AKAP19: variants seen among roughly 807,000 people sequenced by gnomAD.
AKAP19 encodes A-kinase anchoring protein 19, also known as small A-kinase anchoring protein.
At chr2:189,926,156 G>T in the AKAP19 span, among the ~76,000 whole-genome samples, 1 of 152,054 alleles carries the variant, frequency 6.6e-6, no homozygotes, top group East Asian at 1.9e-4. Context: ...ATTTTTTCTT[G>T]ACTATTTTCC....
the AKAP19 span, among the ~76,000 whole-genome samples, chr2:189,992,424 T>C: frequency 6.6e-6 from 1 of 152,228 alleles, no homozygotes; most frequent in Admixed American, 6.5e-5. Context: ...TTGGTAACTG[T>C]AGCCTTGTAA....
At chr2:189,948,409 G>GT in the AKAP19 span, among the ~76,000 whole-genome samples, 2 of 151,904 alleles carry the variant, frequency 1.3e-5, no homozygotes, top group African/African-American at 4.8e-5. Flanking sequence ...TTAAAAAATA[G>GT]TTTTTTCCTT....
the AKAP19 span, among the ~76,000 whole-genome samples, chr2:190,171,949 A>G: frequency 6.6e-6 from 1 of 152,144 alleles, no homozygotes; most frequent in African/African-American, 2.4e-5. Context: ...TTTACCCTAG[A>G]TCTATTCAAG....
At chr2:189,920,727 A>G in the AKAP19 span, among the ~76,000 whole-genome samples, 1 of 152,210 alleles carries the variant, frequency 6.6e-6, no homozygotes, top group Non-Finnish European at 1.5e-5. Flanking sequence ...CCAGCCCACA[A>G]ATTTCTAGCA....
At chr2:190,116,874 T>C in the AKAP19 span, among the ~76,000 whole-genome samples, 4 of 152,202 alleles carry the variant, frequency 2.6e-5, no homozygotes, top group Non-Finnish European at 5.9e-5. Context: ...CCCATCACCC[T>C]ACTCTACTAA....
At chr2:189,918,535 A>C in the AKAP19 span, among the ~76,000 whole-genome samples, 1 of 152,178 alleles carries the variant, frequency 6.6e-6, no homozygotes, top group African/African-American at 2.4e-5. Context: ...GAATGTGGAG[A>C]AATTGTAACA....
chr2:190,071,156 A>G, the AKAP19 span, among the ~76,000 whole-genome samples: 2 of 152,170 alleles, frequency 1.3e-5, no homozygotes, highest in Admixed American at 6.6e-5. Flanking sequence ...ACAAGGATAT[A>G]AAGAAAGTAG....
the AKAP19 span, among the ~76,000 whole-genome samples, chr2:190,051,997 C>T: frequency 6.6e-6 from 1 of 152,004 alleles, no homozygotes; most frequent in East Asian, 1.9e-4. Context: ...GCCACCACGC[C>T]TGGCTAATTT....
chr2:189,900,799 G>A, the AKAP19 span, among the ~76,000 whole-genome samples: 50 of 152,266 alleles, frequency 3.3e-4, no homozygotes, highest in Non-Finnish European at 5.4e-4. Flanking sequence ...ATGAAAATGC[G>A]TTGCAAGGGC....
chr2:190,015,281 T>C, the AKAP19 span, among the ~76,000 whole-genome samples: 1 of 152,232 alleles, frequency 6.6e-6, no homozygotes, highest in Non-Finnish European at 1.5e-5. Context: ...GAAATCTATA[T>C]GGAGGTTCCC....
the AKAP19 span, among the ~76,000 whole-genome samples, chr2:189,921,254 G>A: frequency 6.6e-6 from 1 of 152,138 alleles, no homozygotes; most frequent in African/African-American, 2.4e-5. Flanking sequence ...AAGCAAAGAA[G>A]GCTGATAAGA....
chr2:190,168,056 C>G, the AKAP19 span, among the ~76,000 whole-genome samples: 2 of 152,322 alleles, frequency 1.3e-5, no homozygotes, highest in South Asian at 2.1e-4. Flanking sequence ...GGGCCCTGCC[C>G]CTGCAGCAAA....
chr2:190,179,367 A>T, the AKAP19 span, among the ~76,000 whole-genome samples: 1 of 152,052 alleles, frequency 6.6e-6, no homozygotes, highest in Non-Finnish European at 1.5e-5. This position sits in a 1 kb window ranked among gnomAD's most constrained non-coding sequence, Gnocchi z 6.0. Context: ...AGATTGCGCC[A>T]TTGCACTCCA....
the AKAP19 span, among the ~76,000 whole-genome samples, chr2:190,131,932 A>C: frequency 6.6e-6 from 1 of 152,136 alleles, no homozygotes; most frequent in Admixed American, 6.6e-5. Context: ...AAAACCTTAA[A>C]GACTCCACCA....
At chr2:190,133,647 T>C in the AKAP19 span, among the ~76,000 whole-genome samples, 1 of 152,228 alleles carries the variant, frequency 6.6e-6, no homozygotes, top group East Asian at 1.9e-4. Flanking sequence ...GATGAATGGA[T>C]GCTATTCAGC....
the AKAP19 span, among the ~76,000 whole-genome samples, chr2:190,174,642 A>G: frequency 7.0e-4 from 107 of 152,320 alleles, 1 homozygote; most frequent in African/African-American, 2.5e-3. Context: ...TCATACTGAA[A>G]GGCACATATG....
At chr2:190,147,918 G>C in the AKAP19 span, among the ~76,000 whole-genome samples, 1 of 152,108 alleles carries the variant, frequency 6.6e-6, no homozygotes, top group Admixed American at 6.5e-5. Context: ...GGAGTCCTTA[G>C]GGTTTTCAAG....
the AKAP19 span, among the ~76,000 whole-genome samples, chr2:189,959,301 C>T: frequency 6.6e-6 from 1 of 151,920 alleles, no homozygotes; most frequent in African/African-American, 2.4e-5. Context: ...GCTACATTTC[C>T]TAGAAATAAT....
At chr2:190,158,668 A>C in the AKAP19 span, among the ~76,000 whole-genome samples, 1 of 152,172 alleles carries the variant, frequency 6.6e-6, no homozygotes, top group Admixed American at 6.5e-5. Context: ...CCTGGCTATC[A>C]TCATCTTGGC....
Sources: allele counts gnomAD v4.1 joint callset (sites outside exome capture counted in the v4.1 genomes callset), GRCh38; gene constraint gnomAD v4.1.1; non-coding constraint Gnocchi (gnomAD v3.1); transcripts MANE v1.5; gene names NCBI Gene and HGNC (gene_info 2026-07-23, HGNC 2026-07-21).